The following SCFD2 variants were observed in gnomAD, a reference collection of about 807,000 sequenced individuals.
SCFD2 encodes sec1 family domain-containing protein 2.
In SCFD2, 54 loss-of-function variants were observed where a neutral mutation model predicts 58.9. The ratio of observed to expected loss-of-function variants is 0.92; its 90% CI spans 0.74 to 1.15. The LOEUF is 1.15. Among genes scored for constraint, SCFD2 ranks in the 50% most tolerant of loss-of-function variants. The probability of loss-of-function intolerance (pLI) is 0.00; values close to 1 mark genes in which losing one functional copy is unlikely to be tolerated. For missense variants in SCFD2, 805 were observed against 836.6 expected (o/e 0.96, Z 0.47); for synonymous variants, 321 against 335.9 (o/e 0.96, Z 0.49).
At chr4:53,329,353 G>T (rs1039400352) in intron 2 of SCFD2, among the ~76,000 whole-genome samples, 23 of 152,080 alleles carry the variant, frequency 1.5e-4, no homozygotes, top group Non-Finnish European at 3.2e-4. Context: ...CTGTCTGACA[G>T]CTTTGAAGAG....
At chr4:52,963,743 C>T (rs777101732) in intron 5 of SCFD2, among the ~76,000 whole-genome samples, 2 of 152,142 alleles carry the variant, frequency 1.3e-5, no homozygotes, top group Non-Finnish European at 2.9e-5. Context: ...TGGTGAGCAA[C>T]AGCCTACATC....
At chr4:53,286,519 G>A (rs1731673705) in intron 3 of SCFD2, among the ~76,000 whole-genome samples, 2 of 152,020 alleles carry the variant, frequency 1.3e-5, no homozygotes, top group South Asian at 4.1e-4. Flanking sequence ...ACTCCCCAAG[G>A]ACCTGGAGCT....
intron 2 of SCFD2, among the ~76,000 whole-genome samples, chr4:53,343,765 G>A (rs949972160): frequency 1.2e-4 from 19 of 152,206 alleles, no homozygotes; most frequent in African/African-American, 4.6e-4. Flanking sequence ...ATCATCAAGT[G>A]GGCTTCATCT....
intron 4 of SCFD2, among the ~76,000 whole-genome samples, chr4:53,188,921 A>G (rs1256551224): frequency 6.6e-6 from 1 of 152,104 alleles, no homozygotes; most frequent in Non-Finnish European, 1.5e-5. Context: ...CCCAGTTTTT[A>G]TTTAGGGGAC....
intron 5 of SCFD2, among the ~76,000 whole-genome samples, chr4:52,983,290 T>C (rs138630031): frequency 1.3e-5 from 2 of 152,358 alleles, no homozygotes; most frequent in African/African-American, 4.8e-5. Flanking sequence ...TAAGGACGGA[T>C]ACAACTAAAC....
At chr4:52,903,719 GGTTGT>G (rs1490926963) in intron 7 of SCFD2, among the ~76,000 whole-genome samples, 1 of 152,058 alleles carries the variant, frequency 6.6e-6, no homozygotes, top group African/African-American at 2.4e-5. Flanking sequence ...TGTGCAACTG[GGTTGT>G]GTTATTTTAC....
At chr4:53,288,535 A>C (rs1167469762) in intron 3 of SCFD2, among the ~76,000 whole-genome samples, 2 of 152,216 alleles carry the variant, frequency 1.3e-5, no homozygotes, top group African/African-American at 4.8e-5. Context: ...TTACCAGCGA[A>C]TTTCTAAACA....
chr4:53,317,093 C>T lies in SCFD2; in HGVS notation c.1008-3330G>A, dbSNP rs1046795577. Among the ~76,000 whole-genome samples the T allele has an allele frequency of 1.6e-4, 24 of 146,794 alleles. 1 individual carries two copies. The East Asian group carries it at 2.0e-3, about 12-fold the overall frequency. On this transcript the variant is annotated intron_variant, in intron 2 of 8. Coordinates refer to ENST00000401642, the MANE Select transcript of SCFD2 (RefSeq NM_152540.4). ...CTGCACTCCAGCCTAGGCAACAGAACGAGACTCCATGTCAAAAAAAAAAAA... is the reference window on the plus strand; with the variant it reads ...CTGCACTCCAGCCTAGGCAACAGAATGAGACTCCATGTCAAAAAAAAAAAA...
chr4:53,230,133 A>C (rs1227887334), intron 4 of SCFD2, among the ~76,000 whole-genome samples: 5 of 152,176 alleles, frequency 3.3e-5, no homozygotes, highest in Non-Finnish European at 7.4e-5. Flanking sequence ...CAGGTGCTGG[A>C]GAGGATGTGG....
intron 2 of SCFD2, among the ~76,000 whole-genome samples, chr4:53,316,141 A>G (rs1732855837): frequency 6.6e-6 from 1 of 152,228 alleles, no homozygotes; most frequent in African/African-American, 2.4e-5. Context: ...ATCTTATGCT[A>G]GCACTCTGTT....
At chr4:53,194,502 T>C (rs1178587718) in intron 4 of SCFD2, among the ~76,000 whole-genome samples, 1 of 152,226 alleles carries the variant, frequency 6.6e-6, no homozygotes, top group Non-Finnish European at 1.5e-5. Context: ...TATATTCTTT[T>C]CTTCATATTA....
Position 53,115,945 on chromosome 4 carries a change from C to T in SCFD2, c.1561+29388G>A, listed in dbSNP as rs554520484. On this transcript the variant is annotated intron_variant, in intron 5 of 8. Transcript: ENST00000401642. Reference sequence around the variant, plus strand: ...CTCATCCTCCATTTTTCTGATATCACTATTTATTTTGGGTACCTACATCTC... The same window carrying T: ...CTCATCCTCCATTTTTCTGATATCATTATTTATTTTGGGTACCTACATCTC... 1.8e-4 allele frequency among the ~76,000 whole-genome samples: 27 copies of T among 152,216 alleles called. No homozygotes were observed. The South Asian group carries it at 3.9e-3, about 22-fold the overall frequency.
At chr4:53,310,425 T>G (rs1464470817) in intron 3 of SCFD2, among the ~76,000 whole-genome samples, 2 of 152,224 alleles carry the variant, frequency 1.3e-5, no homozygotes, top group African/African-American at 4.8e-5. Context: ...AGTGAAAGAT[T>G]CTCTGTAAAA....
chr4:53,088,474 T>C (rs1724376947), intron 5 of SCFD2, among the ~76,000 whole-genome samples: 1 of 152,220 alleles, frequency 6.6e-6, no homozygotes, highest in Non-Finnish European at 1.5e-5. Flanking sequence ...AAAAAGATTT[T>C]TCTCAAGCCT....
At chr4:53,163,489 C>A (rs148840193) in intron 4 of SCFD2, among the ~76,000 whole-genome samples, 1,855 of 152,156 alleles carry the variant, frequency 0.012, 13 homozygotes, top group Middle Eastern at 0.024. Flanking sequence ...TTAAGGAGGC[C>A]GAGGTGGGCA....
At position 52,874,051 on chromosome 4, in the gene SCFD2, A is replaced by G; in HGVS notation, c.1973T>C (p.Leu658Pro). 5 of 1,613,098 alleles carry G rather than the reference A, an allele frequency of 3.1e-6. No individual in the cohort carries two copies. The highest frequency in any genetic ancestry group is 4.2e-6 in the Non-Finnish European group (5 of 1,179,030). ...SLKPGTQVIV[L>P]STRLLKPLNI... ...AAGTGGCTTCAGGAGTCGTGTGGACAGCACGATTACCTAACAACAGGAGAG... is the reference window on the plus strand; with the variant it reads ...AAGTGGCTTCAGGAGTCGTGTGGACGGCACGATTACCTAACAACAGGAGAG... The change falls in exon 9 of 9, where the codon CTG (leucine) becomes CCG (proline). Residue 658 changes from leucine (L) to proline (P), a missense_variant. Leu to Pro is a moderately conservative substitution (Grantham distance 98). Transcript: ENST00000401642.
intron 5 of SCFD2, among the ~76,000 whole-genome samples, chr4:52,964,487 C>G (rs1323231043): frequency 1.3e-5 from 2 of 152,166 alleles, no homozygotes; most frequent in Admixed American, 1.3e-4. Context: ...TCTTTTCCAA[C>G]GGCCCTGTCA....
At chr4:53,334,329 T>C (rs1451840786) in intron 2 of SCFD2, among the ~76,000 whole-genome samples, 1 of 152,136 alleles carries the variant, frequency 6.6e-6, no homozygotes, top group Non-Finnish European at 1.5e-5. Flanking sequence ...TTATTCACAA[T>C]AGCAAAGACT....
Position 53,365,710 on chromosome 4 carries a change from T to G in SCFD2, c.232A>C (p.Ser78Arg). 6.2e-7 allele frequency: 1 copy of G among 1,614,174 alleles called. No homozygotes were observed. Among genetic ancestry groups the G allele is most frequent in the Non-Finnish European group, 8.5e-7 (1 of 1,180,026 alleles). Residue 78 changes from serine to arginine, a missense_variant, in exon 1 of 9, where the codon AGC (serine) becomes CGC (arginine). Physicochemically the swap from Ser to Arg is moderately radical, Grantham distance 110. Around this residue, in one of 3 missense-constraint regions of SCFD2, gnomAD observed 155 missense variants for 149.7 expected, o/e 1.04. Transcript: ENST00000401642. This position sits in a 1 kb window ranked among gnomAD's most constrained non-coding sequence, Gnocchi z 4.3. ...ACGGTCCGGCCTTTCAGCAGGCAGC[T>G]CAGCACAAACACTGCCTTGGGCTGC... is the stretch of plus-strand genomic sequence containing the variant. ...AKQPKAVFVL[S>R]CLLKGRTVEI...
Sources: allele counts gnomAD v4.1 joint callset (sites outside exome capture counted in the v4.1 genomes callset), GRCh38; gene constraint gnomAD v4.1.1; regional missense constraint gnomAD v4.1.1; non-coding constraint Gnocchi (gnomAD v3.1); transcripts MANE v1.5; gene names NCBI Gene and HGNC (gene_info 2026-07-23, HGNC 2026-07-21).